GATAD2B: variants seen among roughly 807,000 people sequenced by gnomAD.
GATAD2B encodes the protein GATA zinc finger domain containing 2B.
A neutral mutation model predicts 64.3 loss-of-function variants in GATAD2B; 8 were observed. That is an observed-to-expected ratio of 0.12 (90% CI 0.07 to 0.22). The LOEUF is 0.22. Among genes scored for constraint, GATAD2B ranks in the 10% least tolerant of loss-of-function variants. The pLI is 1.00. For missense variants in GATAD2B, 453 were observed against 752.0 expected, an observed-to-expected ratio of 0.60 and a Z score of 4.65; for synonymous variants, 281 against 271.3, an observed-to-expected ratio of 1.04 and a Z score of -0.35.
intron 1 of GATAD2B, among the ~76,000 whole-genome samples, chr1:153,921,380 A>G (rs1406331238): frequency 2.0e-5 from 3 of 152,188 alleles, no homozygotes; most frequent in African/African-American, 4.8e-5. Flanking sequence ...CAAAATATAA[A>G]TTTTTAGAAA....
chr1:153,862,828 A>G (rs1676356775), intron 1 of GATAD2B, among the ~76,000 whole-genome samples: 1 of 150,710 alleles, frequency 6.6e-6, no homozygotes, highest in African/African-American at 2.4e-5. Flanking sequence ...GGGTTCAAGC[A>G]ATTCTCCTGC....
intron 1 of GATAD2B, among the ~76,000 whole-genome samples, chr1:153,871,424 AAACTCC>A (rs1402516575): frequency 1.3e-5 from 2 of 151,814 alleles, no homozygotes; most frequent in Admixed American, 1.3e-4. Context: ...GGCTGGTCTC[AAACTCC>A]TGACCTAGTG....
chr1:153,819,333 A>T (rs540848943), intron 3 of GATAD2B, among the ~76,000 whole-genome samples: 1 of 152,398 alleles, frequency 6.6e-6, no homozygotes, highest in African/African-American at 2.4e-5. Context: ...AGTTTACTTT[A>T]TATGACTTAA....
At chr1:153,831,076 A>G (rs559989028) in intron 1 of GATAD2B, among the ~76,000 whole-genome samples, 1 of 152,318 alleles carries the variant, frequency 6.6e-6, no homozygotes, top group Admixed American at 6.5e-5. Context: ...TAGAGATAAA[A>G]GTCACAACCC....
chr1:153,824,111 T>G (rs907643645), intron 2 of GATAD2B, among the ~76,000 whole-genome samples: 3 of 152,182 alleles, frequency 2.0e-5, no homozygotes, highest in Admixed American at 6.5e-5. Context: ...CAGAGGATTG[T>G]GTTTCAAAAG....
At chr1:153,826,802 G>T (rs1363469965) in intron 2 of GATAD2B, among the ~76,000 whole-genome samples, 1 of 151,974 alleles carries the variant, frequency 6.6e-6, no homozygotes, top group Non-Finnish European at 1.5e-5. Context: ...TTAGCTGGGT[G>T]TGATGATGCA....
At position 153,817,365 on chromosome 1, in the gene GATAD2B, C is replaced by T. The variant is rs776323695; in HGVS notation, c.900+7G>A. ...TGTTTCCACATTAGGGCTCAGCTCT[C>T]TCTTACCGGTTGATAATTGATGGCG... is the stretch of plus-strand genomic sequence containing the variant. On this transcript the variant is annotated splice_region_variant and intron_variant, in intron 6 of 10. Transcript: ENST00000368655. 6.4e-7 allele frequency: 1 copy of T among 1,551,996 alleles called. No homozygotes were observed. The highest frequency in any genetic ancestry group is 1.2e-5 in the South Asian group (1 of 80,886).
intron 2 of GATAD2B, among the ~76,000 whole-genome samples, chr1:153,822,973 A>C (rs1448991442): frequency 1.3e-5 from 2 of 151,894 alleles, no homozygotes; most frequent in Non-Finnish European, 2.9e-5. Context: ...TTTGTAGAGA[A>C]GGGGTCTCCT....
At chr1:153,908,176 G>C (rs1379664173) in intron 1 of GATAD2B, among the ~76,000 whole-genome samples, 1 of 152,036 alleles carries the variant, frequency 6.6e-6, no homozygotes, top group East Asian at 1.9e-4. Flanking sequence ...CTATGTGCCA[G>C]GTTTACCATT....
intron 1 of GATAD2B, among the ~76,000 whole-genome samples, chr1:153,897,751 A>C: frequency 6.6e-6 from 1 of 152,206 alleles, no homozygotes; most frequent in East Asian, 1.9e-4. Context: ...TTAAGGTCTC[A>C]AAGCTAGACA....
At chr1:153,818,406 C>T (rs1376414743) in intron 4 of GATAD2B, among the ~76,000 whole-genome samples, 1 of 151,528 alleles carries the variant, frequency 6.6e-6, no homozygotes, top group Non-Finnish European at 1.5e-5. Flanking sequence ...GCTCCACCTC[C>T]CGGGTTCACG....
intron 1 of GATAD2B, among the ~76,000 whole-genome samples, chr1:153,899,470 G>A (rs181164536): frequency 4.6e-5 from 7 of 151,944 alleles, no homozygotes; most frequent in Non-Finnish European, 1.0e-4. Flanking sequence ...GGGAGGCTGA[G>A]GCAGGAAAAT....
chr1:153,891,250 T>TG lies in GATAD2B; in HGVS notation c.-2+31482dup, dbSNP rs1283074964. ...AGGGAAGGGAAAGGAAAGAAAGAGG[T>TG]GAAAAAAAAAGGAAAGGGAAGAAAA... On this transcript the variant is annotated intron_variant, in intron 1 of 10. Transcript: ENST00000368655. Among the ~76,000 whole-genome samples the TG allele has an allele frequency of 2.6e-5, 3 of 113,860 alleles. No individual in the cohort carries two copies. In the Admixed American group the frequency reaches 2.7e-4, roughly 10 times the overall value. 74.7% of individuals were successfully genotyped at this position (113,860 alleles called of 152,430 possible).
At chr1:153,894,409 A>T (rs1677516497) in intron 1 of GATAD2B, among the ~76,000 whole-genome samples, 1 of 152,030 alleles carries the variant, frequency 6.6e-6, no homozygotes, top group Non-Finnish European at 1.5e-5. Flanking sequence ...CAGAGGTTGC[A>T]GTGAGCTGAA....
Position 153,809,970 on chromosome 1 carries a change from A to C in GATAD2B, c.*207T>G, listed in dbSNP as rs1674238081. 2.0e-6 allele frequency: 1 copy of C among 506,574 alleles called. No homozygotes were observed. Among genetic ancestry groups the C allele is most frequent in the South Asian group, 2.8e-5 (1 of 35,968 alleles). 31.4% of individuals were successfully genotyped at this position (506,574 alleles called of 1,614,324 possible). On this transcript the variant is annotated 3_prime_UTR_variant, in exon 11 of 11. Coordinates refer to ENST00000368655, the MANE Select transcript of GATAD2B (RefSeq NM_020699.4). ...AGAGAAGACAGAGCGGCAGAAGAAC[A>C]GATCGCAGCAGTGTGAAATAAAGGG...
intron 2 of GATAD2B, among the ~76,000 whole-genome samples, chr1:153,824,590 C>T (rs989846307): frequency 9.4e-5 from 11 of 116,480 alleles, no homozygotes; most frequent in Non-Finnish European, 1.6e-4. Context: ...CCAGCCTGGG[C>T]AACAGAGCGA....
chr1:153,863,940 T>C (rs1281511345), intron 1 of GATAD2B, among the ~76,000 whole-genome samples: 3 of 152,194 alleles, frequency 2.0e-5, no homozygotes, highest in Non-Finnish European at 4.4e-5. Context: ...ATCCTGTTTT[T>C]CTTCATGCAA....
chr1:153,896,174 T>TA (rs915367954), intron 1 of GATAD2B, among the ~76,000 whole-genome samples: 113 of 151,260 alleles, frequency 7.5e-4, no homozygotes, highest in African/African-American at 2.4e-3. Flanking sequence ...AAATATATTT[T>TA]AAAAAAAATC....
intron 1 of GATAD2B, among the ~76,000 whole-genome samples, chr1:153,839,389 A>G (rs1034629468): frequency 6.6e-6 from 1 of 152,128 alleles, no homozygotes; most frequent in African/African-American, 2.4e-5. Context: ...CATATATAGG[A>G]GTACCTGGTC....
Sources: allele counts gnomAD v4.1 joint callset (sites outside exome capture counted in the v4.1 genomes callset), GRCh38; gene constraint gnomAD v4.1.1; transcripts MANE v1.5; gene names NCBI Gene and HGNC (gene_info 2026-07-23, HGNC 2026-07-21).